Variants in AGBL1 observed in about 807,000 individuals in gnomAD.
AGBL1 encodes cytosolic carboxypeptidase 4.
Under a neutral mutation model 118.9 loss-of-function variants are expected in AGBL1, and 130 were observed. That is an observed-to-expected ratio of 1.09 (90% CI 0.95 to 1.26). The LOEUF (loss-of-function observed/expected upper bound fraction) is 1.26, where lower values mean the gene tolerates loss of function less well. AGBL1 is among the 50% of genes most tolerant of loss of function. The pLI is 0.00. For missense variants in AGBL1, 1,584 were observed against 1,298.1 expected (o/e 1.22, Z -3.38); for synonymous variants, 555 against 478.9 (o/e 1.16, Z -2.08).
intron 13 of AGBL1, 47 bp downstream of exon 13, chr15:86,267,123 G>A (rs757955930): frequency 1.4e-6 from 2 of 1,398,990 alleles, no homozygotes; most frequent in Non-Finnish European, 9.9e-7. Context: ...GTTCGTAAGA[G>A]CAAGCTGTGA....
intron 17 of AGBL1, among the ~76,000 whole-genome samples, chr15:86,388,705 A>T (rs1415319665): frequency 2.0e-5 from 3 of 152,166 alleles, no homozygotes; most frequent in Non-Finnish European, 4.4e-5. Context: ...AATAATACAT[A>T]ATGAAATGAA....
chr15:86,931,383 T>C (rs1320302790), intron 23 of AGBL1, among the ~76,000 whole-genome samples: 1 of 152,162 alleles, frequency 6.6e-6, no homozygotes, highest in Non-Finnish European at 1.5e-5. Flanking sequence ...CTGATTCTCC[T>C]TGCTTGGCGC....
At chr15:86,559,064 G>A (rs895242997) in intron 21 of AGBL1, among the ~76,000 whole-genome samples, 5 of 151,966 alleles carry the variant, frequency 3.3e-5, no homozygotes, top group African/African-American at 1.2e-4. Context: ...GTTTGTCAAC[G>A]CATCACTACA....
chr15:86,487,817 C>G (rs2082731719), intron 18 of AGBL1, among the ~76,000 whole-genome samples: 1 of 152,014 alleles, frequency 6.6e-6, no homozygotes, highest in Non-Finnish European at 1.5e-5. Flanking sequence ...GGAATTAAGT[C>G]TCTGAGTTGG....
At chr15:86,578,830 T>C (rs1167985521) in intron 21 of AGBL1, among the ~76,000 whole-genome samples, 1 of 152,222 alleles carries the variant, frequency 6.6e-6, no homozygotes, top group Non-Finnish European at 1.5e-5. Context: ...CCCAGCCATG[T>C]GGAACTGTAA....
intron 21 of AGBL1, among the ~76,000 whole-genome samples, chr15:86,661,531 T>C (rs2085540340): frequency 6.6e-6 from 1 of 151,834 alleles, no homozygotes; most frequent in South Asian, 2.1e-4. Context: ...GTTAACATCA[T>C]TATCTGCAGC....
intron 21 of AGBL1, among the ~76,000 whole-genome samples, chr15:86,556,543 T>A (rs2083736890): frequency 6.6e-6 from 1 of 152,150 alleles, no homozygotes; most frequent in South Asian, 2.1e-4. Context: ...CAGAGGATGG[T>A]GAGTAATTTT....
intron 24 of AGBL1, among the ~76,000 whole-genome samples, chr15:87,003,693 G>C (rs2081466038): frequency 6.6e-6 from 1 of 151,990 alleles, no homozygotes; most frequent in South Asian, 2.1e-4. Context: ...ACTTCTTCCT[G>C]GTTTAGTCTT....
intron 17 of AGBL1, among the ~76,000 whole-genome samples, chr15:86,331,126 A>G (rs1409154917): frequency 6.7e-6 from 1 of 149,822 alleles, no homozygotes; most frequent in African/African-American, 2.5e-5. Flanking sequence ...CAGGAGGCTG[A>G]GGCAGGAGAA....
At chr15:86,121,780 C>T (rs1219186216) in intron 1 of AGBL1, among the ~76,000 whole-genome samples, 1 of 152,200 alleles carries the variant, frequency 6.6e-6, no homozygotes, top group Non-Finnish European at 1.5e-5. Flanking sequence ...AATCTTTGAA[C>T]ACACTCTTAG....
At position 86,298,245 on chromosome 15, in the gene AGBL1, TAA is replaced by T. The variant is rs1491529251; in HGVS notation, c.2374+2838_2374+2839del. On this transcript the variant is annotated intron_variant, in intron 17 of 22. Coordinates refer to ENST00000614907, the MANE Select transcript of AGBL1 (RefSeq NM_001386094.1). ...TGTATACAGGGTACGTGTCTGTGTA[TAA>T]TATATATATATATATATATATATAT... Among the ~76,000 whole-genome samples, 31 of 39,626 alleles carry T rather than the reference TAA, an allele frequency of 7.8e-4. 2 individuals carry two copies. The highest frequency in any genetic ancestry group is 2.9e-3 in the African/African-American group (28 of 9,788). The allele number at this position is 39,626 out of a possible 152,430, so 26.0% of individuals were successfully genotyped here.
intron 22 of AGBL1, among the ~76,000 whole-genome samples, chr15:86,827,430 CACATATATATATGTGTGTGTAT>C (rs2079036359): frequency 5.6e-3 from 22 of 3,916 alleles, no homozygotes; most frequent in South Asian, 9.3e-3. Flanking sequence ...TATATATATA[CACATATATATATGTGTGTGTAT>C]ATATATATAT....
intron 18 of AGBL1, among the ~76,000 whole-genome samples, chr15:86,433,266 CTTTTTTTTTTTTT>C (rs59417397): frequency 2.7e-4 from 20 of 74,898 alleles, no homozygotes; most frequent in East Asian, 2.1e-3. Context: ...CCTCCTTCTT[CTTTTTTTTTTTTT>C]TTTTTTTTTT....
intron 22 of AGBL1, among the ~76,000 whole-genome samples, chr15:86,906,406 G>T (rs1221746522): frequency 3.3e-5 from 5 of 152,170 alleles, no homozygotes; most frequent in Non-Finnish European, 5.9e-5. Context: ...ACTGGAGAGA[G>T]GGCATAAGTG....
chr15:86,934,345 G>T (rs1279741618), intron 23 of AGBL1, among the ~76,000 whole-genome samples: 1 of 152,096 alleles, frequency 6.6e-6, no homozygotes, highest in Non-Finnish European at 1.5e-5. Context: ...AGGTCTAACA[G>T]CTCCCTATTG....
intron 23 of AGBL1, among the ~76,000 whole-genome samples, chr15:86,923,234 A>T (rs1412064312): frequency 6.6e-6 from 1 of 152,232 alleles, no homozygotes; most frequent in East Asian, 1.9e-4. Context: ...GGCTTAGGGC[A>T]GATTAAAGTG....
At chr15:86,416,521 T>A (rs1225890421) in intron 18 of AGBL1, among the ~76,000 whole-genome samples, 2 of 152,142 alleles carry the variant, frequency 1.3e-5, no homozygotes, top group Non-Finnish European at 2.9e-5. Context: ...CTTTCAGCAG[T>A]AATCAGGGCC....
chr15:86,385,874 T>C (rs1829887709), intron 17 of AGBL1, among the ~76,000 whole-genome samples: 1 of 151,818 alleles, frequency 6.6e-6, no homozygotes, highest in African/African-American at 2.4e-5. Flanking sequence ...TCCTAACTGG[T>C]TTTCCTATCT....
At chr15:86,925,410 T>C (rs537544665) in intron 23 of AGBL1, among the ~76,000 whole-genome samples, 74 of 152,254 alleles carry the variant, frequency 4.9e-4, no homozygotes, top group Admixed American at 1.3e-3. Context: ...TGTGTAATTA[T>C]AGGGCAAAGA....
Sources: allele counts gnomAD v4.1 joint callset (sites outside exome capture counted in the v4.1 genomes callset), GRCh38; gene constraint gnomAD v4.1.1; transcripts MANE v1.5; gene names NCBI Gene and HGNC (gene_info 2026-07-23, HGNC 2026-07-21).